Variants in ASPRV1 observed in about 807,000 individuals in gnomAD.
The protein encoded by ASPRV1 is retroviral-like aspartic protease 1.
In ASPRV1, 7 loss-of-function variants were observed where a neutral mutation model predicts 11.0. The observed-to-expected ratio is 0.64, with a 90% CI of 0.36 to 1.20. The LOEUF (loss-of-function observed/expected upper bound fraction) is 1.20, where lower values mean the gene tolerates loss of function less well. Among genes scored for constraint, ASPRV1 ranks in the 50% most tolerant of loss-of-function variants. The pLI is 0.02. For synonymous variants in ASPRV1, 136 were observed against 138.4 expected, an observed-to-expected ratio of 0.98 and a Z score of 0.12; for missense variants, 299 against 320.0, an observed-to-expected ratio of 0.93 and a Z score of 0.50.
chr2:70,012,665 T>A, the ASPRV1 span, among the ~76,000 whole-genome samples: 3 of 152,176 alleles, frequency 2.0e-5, no homozygotes, highest in African/African-American at 7.2e-5. Flanking sequence ...AAAATGTCCA[T>A]GATAGAGTAA....
At chr2:70,040,029 T>C in the ASPRV1 span, among the ~76,000 whole-genome samples, 3 of 152,306 alleles carry the variant, frequency 2.0e-5, no homozygotes, top group East Asian at 1.9e-4. Flanking sequence ...GCTTGAGACA[T>C]GTTGAGTTTA....
At chr2:70,022,346 A>C in the ASPRV1 span, among the ~76,000 whole-genome samples, 28 of 138,606 alleles carry the variant, frequency 2.0e-4, no homozygotes, top group Non-Finnish European at 3.4e-4. Flanking sequence ...TTCTTACCAA[A>C]ACACACACAC....
chr2:69,964,034 G>A (rs1167731118), upstream of ASPRV1, among the ~76,000 whole-genome samples: 2 of 152,180 alleles, frequency 1.3e-5, no homozygotes, highest in Non-Finnish European at 2.9e-5. Context: ...CACCAAAATT[G>A]GCAAATGCTA....
the ASPRV1 span, among the ~76,000 whole-genome samples, chr2:69,994,934 G>A: frequency 4.6e-5 from 7 of 151,998 alleles, no homozygotes; most frequent in South Asian, 2.1e-4. Flanking sequence ...CCTGGAAGGC[G>A]GAGCTTGCAG....
chr2:70,058,544 T>C, the ASPRV1 span, among the ~76,000 whole-genome samples: 1 of 151,606 alleles, frequency 6.6e-6, no homozygotes, highest in Admixed American at 6.6e-5. Flanking sequence ...GCCTTTACTC[T>C]GAAGAAATTT....
the ASPRV1 span, among the ~76,000 whole-genome samples, chr2:69,951,516 T>A: frequency 6.8e-6 from 1 of 147,972 alleles, no homozygotes; most frequent in African/African-American, 2.5e-5. Flanking sequence ...TATATAGATC[T>A]ATACACACAC....
At chr2:70,040,601 C>T in the ASPRV1 span, among the ~76,000 whole-genome samples, 6 of 151,996 alleles carry the variant, frequency 3.9e-5, no homozygotes, top group African/African-American at 1.2e-4. Flanking sequence ...TTTGGGAGGC[C>T]GAGGCAGGTG....
chr2:70,035,737 C>G, the ASPRV1 span, among the ~76,000 whole-genome samples: 2 of 151,318 alleles, frequency 1.3e-5, no homozygotes, highest in Admixed American at 1.3e-4. Flanking sequence ...AGTTGGAAAA[C>G]TGAAGTGACT....
At chr2:69,959,236 C>G (rs1212512283), downstream of ASPRV1, among the ~76,000 whole-genome samples, 1 of 152,130 alleles carries the variant, frequency 6.6e-6, no homozygotes, top group Non-Finnish European at 1.5e-5. Context: ...GTCTGGGATC[C>G]CTGCACGTTC....
the ASPRV1 span, among the ~76,000 whole-genome samples, chr2:70,038,448 G>A: frequency 1.3e-5 from 2 of 152,114 alleles, no homozygotes; most frequent in African/African-American, 4.8e-5. Flanking sequence ...GTGTGGTGGT[G>A]ATCACCTGTA....
At chr2:70,042,798 T>G in the ASPRV1 span, among the ~76,000 whole-genome samples, 1 of 151,990 alleles carries the variant, frequency 6.6e-6, no homozygotes, top group African/African-American at 2.4e-5. Context: ...TGCCAAACTT[T>G]GGGGGATAGG....
the ASPRV1 span, among the ~76,000 whole-genome samples, chr2:70,010,987 C>T: frequency 6.6e-6 from 1 of 152,124 alleles, no homozygotes; most frequent in African/African-American, 2.4e-5. Context: ...ACACATTATC[C>T]TTAGCAAACT....
the ASPRV1 span, among the ~76,000 whole-genome samples, chr2:69,991,286 T>A: frequency 4.6e-5 from 7 of 152,208 alleles, no homozygotes; most frequent in South Asian, 1.5e-3. Flanking sequence ...GTGTGGGGGC[T>A]CTCCTGATCT....
chr2:69,977,397 T>C, the ASPRV1 span, among the ~76,000 whole-genome samples: 1 of 152,160 alleles, frequency 6.6e-6, no homozygotes, highest in Non-Finnish European at 1.5e-5. Flanking sequence ...GTCATTGTTT[T>C]GCAGGTGCGA....
the ASPRV1 span, among the ~76,000 whole-genome samples, chr2:69,968,686 CA>C: frequency 6.6e-6 from 1 of 152,232 alleles, no homozygotes; most frequent in Non-Finnish European, 1.5e-5. Context: ...AATAAGTAAG[CA>C]AAGGCTGTGC....
the ASPRV1 span, chr2:70,083,793 T>TG: frequency 6.6e-6 from 1 of 152,202 alleles, no homozygotes; most frequent in African/African-American, 2.4e-5. Flanking sequence ...CATCAGTCCC[T>TG]GGACATAAGT....
At chr2:69,975,202 G>C in the ASPRV1 span, 1 of 152,600 alleles carries the variant, frequency 6.6e-6, no homozygotes, top group African/African-American at 2.4e-5. Flanking sequence ...ATCTGGAGGG[G>C]ATGTGGAGGC....
At chr2:69,980,901 G>A in the ASPRV1 span, among the ~76,000 whole-genome samples, 7 of 152,068 alleles carry the variant, frequency 4.6e-5, no homozygotes, top group African/African-American at 7.2e-5. Flanking sequence ...TCAGCCTCCC[G>A]AGTAGCTGGG....
chr2:69,954,685 G>A, the ASPRV1 span, among the ~76,000 whole-genome samples: 12 of 152,064 alleles, frequency 7.9e-5, no homozygotes, highest in African/African-American at 1.7e-4. Flanking sequence ...AAATATTCCC[G>A]GGAAACATCC....
Sources: allele counts gnomAD v4.1 joint callset (sites outside exome capture counted in the v4.1 genomes callset), GRCh38; gene constraint gnomAD v4.1.1; transcripts MANE v1.5; gene names NCBI Gene and HGNC (gene_info 2026-07-23, HGNC 2026-07-21).